The following CCDC192 variants were observed in gnomAD, a reference collection of about 807,000 sequenced individuals.
The protein encoded by CCDC192 is coiled-coil domain containing 192, also known as coiled-coil domain-containing protein 192.
intron 3 of CCDC192, among the ~76,000 whole-genome samples, chr5:127,759,767 A>C (rs1473279112): frequency 6.6e-6 from 1 of 152,080 alleles, no homozygotes; most frequent in Non-Finnish European, 1.5e-5. Flanking sequence ...ACACACACAC[A>C]CTGCCCCGCT....
intron 5 of CCDC192, among the ~76,000 whole-genome samples, chr5:127,821,323 T>C (rs79841161): frequency 0.011 from 1,696 of 152,318 alleles, 106 homozygotes; most frequent in Admixed American, 0.087. Flanking sequence ...AGAGGTTATG[T>C]TGTCAACAAT....
intron 2 of CCDC192, among the ~76,000 whole-genome samples, chr5:127,737,638 G>C (rs904451808): frequency 5.7e-4 from 86 of 151,958 alleles, no homozygotes; most frequent in African/African-American, 2.0e-3. Context: ...TATATATTTA[G>C]GGTAGTTAGC....
At chr5:127,723,695 G>C (rs1752153890) in intron 2 of CCDC192, among the ~76,000 whole-genome samples, 1 of 152,198 alleles carries the variant, frequency 6.6e-6, no homozygotes, top group South Asian at 2.1e-4. Context: ...GATACTTGGG[G>C]AAGTTGGCAG....
At chr5:127,787,386 T>C (rs955299909) in intron 3 of CCDC192, among the ~76,000 whole-genome samples, 2 of 152,186 alleles carry the variant, frequency 1.3e-5, no homozygotes, top group African/African-American at 4.8e-5. Context: ...GGCCTCCTCC[T>C]CCTGCTGCCG....
At chr5:127,845,408 T>C (rs1415150417) in intron 5 of CCDC192, among the ~76,000 whole-genome samples, 1 of 152,154 alleles carries the variant, frequency 6.6e-6, no homozygotes, top group Non-Finnish European at 1.5e-5. Flanking sequence ...CTTAAGCATA[T>C]TTATAGCTGT....
intron 3 of CCDC192, among the ~76,000 whole-genome samples, chr5:127,761,249 C>T (rs532266752): frequency 2.8e-4 from 43 of 152,262 alleles, no homozygotes; most frequent in African/African-American, 1.0e-3. Flanking sequence ...ATTGAGGATT[C>T]ACTATATGCC....
At chr5:127,858,723 C>A (rs1202307422) in intron 5 of CCDC192, among the ~76,000 whole-genome samples, 1 of 152,162 alleles carries the variant, frequency 6.6e-6, no homozygotes, top group Non-Finnish European at 1.5e-5. Flanking sequence ...TTACAAAGAA[C>A]AAAGAGAAGC....
intron 2 of CCDC192, among the ~76,000 whole-genome samples, chr5:127,721,535 G>T (rs1395246049): frequency 6.6e-6 from 1 of 152,012 alleles, no homozygotes; most frequent in Non-Finnish European, 1.5e-5. Context: ...TCATCTTTCT[G>T]TCTTCTTCTG....
intron 5 of CCDC192, chr5:127,838,498 T>C (rs536844017): frequency 1.2e-4 from 18 of 152,338 alleles, no homozygotes; most frequent in African/African-American, 4.3e-4. Context: ...TGACAGTGTT[T>C]ATTTTCTGAA....
chr5:127,910,939 A>G (rs559999320), intron 6 of CCDC192, among the ~76,000 whole-genome samples: 3 of 152,098 alleles, frequency 2.0e-5, no homozygotes, highest in Non-Finnish European at 2.9e-5. Context: ...GCATTGTGTA[A>G]TTTTATTAGA....
chr5:127,866,319 G>T, intron 5 of CCDC192, among the ~76,000 whole-genome samples: 1 of 151,552 alleles, frequency 6.6e-6, no homozygotes, highest in Non-Finnish European at 1.5e-5. Context: ...TTAATTTTTG[G>T]TAATTTCTCC....
chr5:127,896,060 A>G (rs1752871732), intron 6 of CCDC192, among the ~76,000 whole-genome samples: 1 of 152,138 alleles, frequency 6.6e-6, no homozygotes. Context: ...GAGATTCTGA[A>G]TAAGTATGTC....
chr5:127,727,893 G>A (rs1033449961), intron 2 of CCDC192, among the ~76,000 whole-genome samples: 1 of 152,178 alleles, frequency 6.6e-6, no homozygotes, highest in African/African-American at 2.4e-5. Flanking sequence ...ACTTCACAGT[G>A]CAACCACAAG....
At chr5:127,764,066 C>T (rs1288831664) in intron 3 of CCDC192, among the ~76,000 whole-genome samples, 4 of 152,182 alleles carry the variant, frequency 2.6e-5, no homozygotes, top group African/African-American at 9.7e-5. Flanking sequence ...CAGACAGTAA[C>T]TCCTCTGAGG....
intron 6 of CCDC192, among the ~76,000 whole-genome samples, chr5:127,889,954 T>C (rs1752685679): frequency 6.6e-6 from 1 of 152,080 alleles, no homozygotes; most frequent in African/African-American, 2.4e-5. Flanking sequence ...CTAATCAATA[T>C]GTCCCCTGAT....
chr5:127,906,801 C>T (rs1158941577), intron 6 of CCDC192, among the ~76,000 whole-genome samples: 1 of 151,928 alleles, frequency 6.6e-6, no homozygotes, highest in Admixed American at 6.6e-5. Flanking sequence ...AAAACCCCAA[C>T]AAAAACAAAT....
rs182171002 is a variant in CCDC192 at position 127,798,908 on chromosome 5, A to C, written c.411+746A>C. ...ACACTAGCCTATGTTTACTCTGAGA[A>C]CAACACATAAGCATCTCCTGCCACA... On this transcript the variant is annotated intron_variant, in intron 5 of 6. Transcript: ENST00000514853. Among the ~76,000 whole-genome samples the C allele has an allele frequency of 1.2e-4, 19 of 152,216 alleles. No homozygotes were observed. In the East Asian group the frequency reaches 2.7e-3, roughly 22 times the overall value.
At chr5:127,893,198 G>A (rs572463681) in intron 6 of CCDC192, among the ~76,000 whole-genome samples, 108 of 152,238 alleles carry the variant, frequency 7.1e-4, no homozygotes, top group African/African-American at 2.5e-3. Context: ...ACACTGGCAG[G>A]CACCAGGAAG....
intron 1 of CCDC192, 38 bp downstream of exon 1, chr5:127,703,545 G>A: frequency 2.5e-6 from 1 of 398,094 alleles, no homozygotes; most frequent in Non-Finnish European, 4.4e-6. Context: ...AATAATTCAT[G>A]GGAATTTCTG....
Sources: gnomAD v4.1 joint callset for allele counts (sites outside exome capture counted in the v4.1 genomes callset) on GRCh38, gnomAD v4.1.1 for gene constraint, MANE v1.5 for transcripts, NCBI Gene and HGNC (gene_info 2026-07-23, HGNC 2026-07-21) for gene names.